The following DNAH6 variants were observed in gnomAD, a reference collection of about 807,000 sequenced individuals.
DNAH6 encodes the protein dynein axonemal heavy chain 6, also known as axonemal beta dynein heavy chain 6.
In DNAH6, 340 loss-of-function variants were observed where a neutral mutation model predicts 491.4. That is an observed-to-expected ratio of 0.69 (90% CI 0.63 to 0.76). The LOEUF is 0.76. Among genes scored for constraint, DNAH6 ranks in the 30% least tolerant of loss-of-function variants. The pLI is 0.00. For synonymous variants in DNAH6, 1,603 were observed against 1,686.1 expected (o/e 0.95, Z 1.21); for missense variants, 4,443 against 4,972.2 (o/e 0.89, Z 3.20).
At chr2:84,664,121 C>T (rs1346120084) in intron 37 of DNAH6, among the ~76,000 whole-genome samples, 3 of 152,200 alleles carry the variant, frequency 2.0e-5, no homozygotes, top group Admixed American at 2.0e-4. Context: ...AAAGGAATAA[C>T]CGGTACCAGC....
At chr2:84,555,572 T>C (rs1289175425) in intron 10 of DNAH6, among the ~76,000 whole-genome samples, 2 of 152,240 alleles carry the variant, frequency 1.3e-5, no homozygotes, top group African/African-American at 2.4e-5. Flanking sequence ...TATCTATATC[T>C]ACCTATCTAT....
intron 40 of DNAH6, among the ~76,000 whole-genome samples, chr2:84,673,872 G>A (rs1692977231): frequency 6.6e-6 from 1 of 152,184 alleles, no homozygotes; most frequent in South Asian, 2.1e-4. Context: ...TCAAAAGTTA[G>A]TTTCCTTTGG....
intron 64 of DNAH6, chr2:84,777,251 TA>T: frequency 4.6e-6 from 1 of 219,296 alleles, no homozygotes; most frequent in Admixed American, 5.2e-5. Flanking sequence ...TAACAATAAA[TA>T]AATAAATATA....
the DNAH6 span, among the ~76,000 whole-genome samples, chr2:84,493,731 C>T: frequency 2.0e-4 from 30 of 152,244 alleles, no homozygotes; most frequent in African/African-American, 7.0e-4. Context: ...GATGGCTATA[C>T]AAGTGACGCA....
At chr2:84,713,640 G>A (rs1558948357) in intron 57 of DNAH6, among the ~76,000 whole-genome samples, 1 of 152,108 alleles carries the variant, frequency 6.6e-6, no homozygotes, top group Non-Finnish European at 1.5e-5. Context: ...GACTATTTTT[G>A]TCCCTGTTAT....
At chr2:84,705,071 G>A (rs936989125) in intron 51 of DNAH6, among the ~76,000 whole-genome samples, 8 of 152,126 alleles carry the variant, frequency 5.3e-5, no homozygotes, top group African/African-American at 1.7e-4. Context: ...GATCAATCTG[G>A]CAAAAGTTCA....
intron 52 of DNAH6, 130 bp from the exon 53 acceptor site, chr2:84,706,766 G>A (rs1696488830): frequency 1.0e-6 from 1 of 1,000,256 alleles, no homozygotes; most frequent in African/African-American, 1.7e-5. Flanking sequence ...TTAACTTTAT[G>A]TATCACATCA....
chr2:84,610,128 T>G (rs1477276604), intron 21 of DNAH6, among the ~76,000 whole-genome samples: 1 of 152,096 alleles, frequency 6.6e-6, no homozygotes, highest in East Asian at 1.9e-4. Context: ...GAAATTATTT[T>G]CTTGGAATTC....
intron 2 of DNAH6, among the ~76,000 whole-genome samples, chr2:84,524,113 G>T (rs549948817): frequency 6.6e-6 from 1 of 151,958 alleles, no homozygotes; most frequent in Admixed American, 6.6e-5. Flanking sequence ...AACTTGCTTT[G>T]TGAATCTGGG....
At chr2:84,624,166 T>G in intron 26 of DNAH6, 99 bp from the exon 27 acceptor site, 1 of 1,130,186 alleles carries the variant, frequency 8.8e-7, no homozygotes, top group Non-Finnish European at 1.2e-6. Flanking sequence ...AATTAGCTGG[T>G]TTTTAGCAAT....
At chr2:84,557,033 T>A (rs1392739713) in intron 10 of DNAH6, among the ~76,000 whole-genome samples, 3 of 152,212 alleles carry the variant, frequency 2.0e-5, no homozygotes, top group African/African-American at 7.2e-5. Flanking sequence ...AAATCTTTGT[T>A]TACACGTCTA....
At chr2:84,589,594 C>T (rs951516852) in intron 16 of DNAH6, among the ~76,000 whole-genome samples, 4 of 151,742 alleles carry the variant, frequency 2.6e-5, no homozygotes, top group African/African-American at 9.7e-5. Context: ...TGCCTGTAGT[C>T]CCAGGTACTT....
At chr2:84,808,332 G>A in intron 71 of DNAH6, 83 bp from the exon 72 acceptor site, 5 of 1,383,012 alleles carry the variant, frequency 3.6e-6, no homozygotes, top group Non-Finnish European at 4.7e-6. Flanking sequence ...TTTTAAAAAT[G>A]TTAAGATAAG....
intron 70 of DNAH6, among the ~76,000 whole-genome samples, chr2:84,804,258 A>G (rs1351912968): frequency 6.6e-6 from 1 of 151,940 alleles, no homozygotes; most frequent in Non-Finnish European, 1.5e-5. Context: ...AAATTTCCAA[A>G]AAATAGATAA....
At chr2:84,640,702 T>A in intron 32 of DNAH6, 124 bp downstream of exon 32, 1 of 930,884 alleles carries the variant, frequency 1.1e-6, no homozygotes, top group Non-Finnish European at 1.6e-6. Flanking sequence ...GCTGTTGTCA[T>A]CATTCTTACC....
intron 64 of DNAH6, among the ~76,000 whole-genome samples, chr2:84,767,313 C>G (rs1280199017): frequency 6.6e-6 from 1 of 151,994 alleles, no homozygotes; most frequent in African/African-American, 2.4e-5. Context: ...AGGAAGATCA[C>G]TTGAGCCCAG....
the DNAH6 span, among the ~76,000 whole-genome samples, chr2:84,500,714 T>G: frequency 6.6e-6 from 1 of 152,232 alleles, no homozygotes; most frequent in Non-Finnish European, 1.5e-5. Flanking sequence ...CTTTCATCAG[T>G]GTTTCATACT....
At chr2:84,641,908 G>A (rs2050005238) in intron 32 of DNAH6, 39 bp from the exon 33 acceptor site, 1 of 1,489,792 alleles carries the variant, frequency 6.7e-7, no homozygotes, top group African/African-American at 1.4e-5. Context: ...TCAACCTTAT[G>A]TTCTTGTGAT....
the DNAH6 span, among the ~76,000 whole-genome samples, chr2:84,490,804 C>T: frequency 6.6e-6 from 1 of 152,126 alleles, no homozygotes; most frequent in Admixed American, 6.5e-5. Flanking sequence ...TCAAGTGATC[C>T]ACCCACCTCC....
Sources: gnomAD v4.1 joint callset for allele counts (sites outside exome capture counted in the v4.1 genomes callset) on GRCh38, gnomAD v4.1.1 for gene constraint, MANE v1.5 for transcripts, NCBI Gene and HGNC (gene_info 2026-07-23, HGNC 2026-07-21) for gene names.